KCND2: variants seen among roughly 807,000 people sequenced by gnomAD.
The protein encoded by KCND2 is potassium voltage-gated channel subfamily D member 2, also known as A-type voltage-gated potassium channel KCND2.
Under a neutral mutation model 54.4 loss-of-function variants are expected in KCND2, and 16 were observed. The ratio of observed to expected loss-of-function variants is 0.29; its 90% CI spans 0.20 to 0.45. The LOEUF is 0.45. Ranked by LOEUF, KCND2 falls within the 20% of genes least tolerant of loss-of-function variation. The pLI, the probability that KCND2 is intolerant of heterozygous loss-of-function variation, is 1.00. For synonymous variants in KCND2, 317 were observed against 310.7 expected (o/e 1.02, Z -0.21); for missense variants, 486 against 824.2 (o/e 0.59, Z 5.02).
chr7:120,451,022 C>A (rs920921039), intron 1 of KCND2, among the ~76,000 whole-genome samples: 3 of 152,194 alleles, frequency 2.0e-5, no homozygotes, highest in Non-Finnish European at 4.4e-5. Context: ...TCCTTCCCTT[C>A]TCCTATCCTT....
intron 1 of KCND2, among the ~76,000 whole-genome samples, chr7:120,453,399 T>C (rs1377385749): frequency 6.6e-6 from 1 of 152,168 alleles, no homozygotes; most frequent in Non-Finnish European, 1.5e-5. Flanking sequence ...CTCATGACAC[T>C]GGTGGTCCCA....
chr7:120,539,978 G>A (rs1404631417), intron 1 of KCND2, among the ~76,000 whole-genome samples: 1 of 152,162 alleles, frequency 6.6e-6, no homozygotes, highest in Non-Finnish European at 1.5e-5. Context: ...CAGAGACGAA[G>A]AGGGCTTAAA....
chr7:120,467,237 G>C (rs912140711), intron 1 of KCND2, among the ~76,000 whole-genome samples: 1 of 152,148 alleles, frequency 6.6e-6, no homozygotes, highest in Non-Finnish European at 1.5e-5. Flanking sequence ...AGAGGAAGAA[G>C]AGTTAGACTT....
At chr7:120,467,976 G>A (rs1222606887) in intron 1 of KCND2, among the ~76,000 whole-genome samples, 3 of 151,970 alleles carry the variant, frequency 2.0e-5, no homozygotes, top group Non-Finnish European at 2.9e-5. Context: ...AGCCACTTAC[G>A]AAGTTCACTG....
chr7:120,704,782 A>C (rs1562915185), intron 1 of KCND2, among the ~76,000 whole-genome samples: 1 of 152,150 alleles, frequency 6.6e-6, no homozygotes, highest in Non-Finnish European at 1.5e-5. Context: ...AACCCTGTGT[A>C]AATTACTCCA....
intron 1 of KCND2, among the ~76,000 whole-genome samples, chr7:120,727,703 A>G (rs1322925504): frequency 3.9e-5 from 6 of 152,130 alleles, no homozygotes; most frequent in Admixed American, 1.3e-4. Flanking sequence ...TTTTTAACCG[A>G]TATGAGGAAG....
chr7:120,401,384 G>A (rs1801250776), intron 1 of KCND2, among the ~76,000 whole-genome samples: 1 of 152,030 alleles, frequency 6.6e-6, no homozygotes, highest in Admixed American at 6.6e-5. Flanking sequence ...ATGCTTTTGA[G>A]GTACTGCCCA....
At chr7:120,623,438 G>A (rs1398497083) in intron 1 of KCND2, among the ~76,000 whole-genome samples, 1 of 152,116 alleles carries the variant, frequency 6.6e-6, no homozygotes, top group Admixed American at 6.5e-5. Context: ...CTGTATGAAG[G>A]CAAGTGTTAT....
chr7:120,461,098 C>T (rs1241582048), intron 1 of KCND2, among the ~76,000 whole-genome samples: 2 of 152,124 alleles, frequency 1.3e-5, no homozygotes, highest in African/African-American at 2.4e-5. Context: ...AATGTGCTGC[C>T]TATTGTTAAA....
chr7:120,314,310 G>A (rs1799782205), intron 1 of KCND2, among the ~76,000 whole-genome samples: 1 of 150,970 alleles, frequency 6.6e-6, no homozygotes, highest in African/African-American at 2.4e-5. Flanking sequence ...CCCAGCCTGG[G>A]TGACAGAGCA....
intron 1 of KCND2, among the ~76,000 whole-genome samples, chr7:120,679,508 C>T (rs1475847678): frequency 6.6e-6 from 1 of 151,958 alleles, no homozygotes; most frequent in Non-Finnish European, 1.5e-5. Flanking sequence ...GACATGATTC[C>T]TTTTAAAATG....
intron 1 of KCND2, among the ~76,000 whole-genome samples, chr7:120,408,283 C>A (rs1372659053): frequency 6.6e-6 from 1 of 151,786 alleles, no homozygotes; most frequent in Admixed American, 6.6e-5. Context: ...TGCAGGAAGA[C>A]GAACAGTAAG....
At chr7:120,443,684 A>AT (rs148084690) in intron 1 of KCND2, among the ~76,000 whole-genome samples, 9,223 of 148,602 alleles carry the variant, frequency 0.062, 862 homozygotes, top group African/African-American at 0.21. Flanking sequence ...GTTAAGACTC[A>AT]TTTTTTTTTT....
intron 1 of KCND2, among the ~76,000 whole-genome samples, chr7:120,303,368 G>C (rs1799611685): frequency 6.6e-6 from 1 of 152,120 alleles, no homozygotes; most frequent in African/African-American, 2.4e-5. Flanking sequence ...GTACAGAAAT[G>C]TATTTTCAGA....
At chr7:120,440,329 C>G (rs1471630708) in intron 1 of KCND2, among the ~76,000 whole-genome samples, 1 of 151,854 alleles carries the variant, frequency 6.6e-6, no homozygotes, top group African/African-American at 2.4e-5. Context: ...TTTTAAAAAT[C>G]AGATTATTTA....
chr7:120,406,560 A>C (rs1013460009), intron 1 of KCND2, among the ~76,000 whole-genome samples: 1 of 152,054 alleles, frequency 6.6e-6, no homozygotes, highest in Non-Finnish European at 1.5e-5. Flanking sequence ...TCTTGTCAAC[A>C]ATAGAAATAT....
intron 1 of KCND2, among the ~76,000 whole-genome samples, chr7:120,407,706 T>C (rs116524176): frequency 0.1 from 15,607 of 150,760 alleles, 852 homozygotes; most frequent in Admixed American, 0.13. Context: ...GTATAAAAAC[T>C]TTATAATATA....
chr7:120,689,455 C>G (rs1441223273), intron 1 of KCND2, among the ~76,000 whole-genome samples: 1 of 151,808 alleles, frequency 6.6e-6, no homozygotes, highest in Non-Finnish European at 1.5e-5. Context: ...GATTGCTTTC[C>G]TTTTGTTTAT....
At chr7:120,634,668 T>C (rs1024487331) in intron 1 of KCND2, among the ~76,000 whole-genome samples, 6 of 152,172 alleles carry the variant, frequency 3.9e-5, no homozygotes, top group Non-Finnish European at 7.4e-5. Context: ...TTCTTGACCA[T>C]CTCCTTTCTA....
Sources: gnomAD v4.1 joint callset for allele counts (sites outside exome capture counted in the v4.1 genomes callset) on GRCh38, gnomAD v4.1.1 for gene constraint, MANE v1.5 for transcripts, NCBI Gene and HGNC (gene_info 2026-07-23, HGNC 2026-07-21) for gene names.